Variants in EYS observed in about 807,000 individuals in gnomAD.
EYS encodes the protein EGF-like photoreceptor maintenance factor, also known as protein eyes shut homolog.
A neutral mutation model predicts 282.1 loss-of-function variants in EYS; 250 were observed. The ratio of observed to expected loss-of-function variants is 0.89; its 90% CI spans 0.80 to 0.98. EYS has a LOEUF of 0.98. Ranked by LOEUF, EYS falls within the 50% of genes least tolerant of loss-of-function variation. The pLI is 0.00. For synonymous variants in EYS, 1,355 were observed against 1,282.9 expected (o/e 1.06, Z -1.20); for missense variants, 4,016 against 3,709.0 (o/e 1.08, Z -2.15).
intron 29 of EYS, among the ~76,000 whole-genome samples, chr6:64,323,598 T>G (rs193275156): frequency 2.0e-3 from 299 of 152,270 alleles, no homozygotes; most frequent in Non-Finnish European, 4.6e-4. Context: ...CCGACTATAC[T>G]GAAATATAAC....
intron 12 of EYS, among the ~76,000 whole-genome samples, chr6:65,066,042 C>T (rs1773735568): frequency 2.0e-5 from 3 of 152,118 alleles, no homozygotes; most frequent in African/African-American, 7.2e-5. Flanking sequence ...ATGACAACCA[C>T]AAAAATAAAG....
At chr6:64,540,475 A>ATTTTTT (rs397888030) in intron 26 of EYS, among the ~76,000 whole-genome samples, 10 of 83,508 alleles carry the variant, frequency 1.2e-4, no homozygotes, top group Non-Finnish European at 1.1e-4. Flanking sequence ...CCAAGTACAG[A>ATTTTTT]TTTTTTTTTT....
intron 12 of EYS, among the ~76,000 whole-genome samples, chr6:65,181,317 G>A (rs1044137935): frequency 5.3e-5 from 8 of 152,036 alleles, no homozygotes; most frequent in African/African-American, 1.4e-4. Context: ...ATCTGACAAA[G>A]GGCTAATATC....
intron 11 of EYS, among the ~76,000 whole-genome samples, chr6:65,313,396 T>C (rs1318017517): frequency 6.6e-6 from 1 of 151,926 alleles, no homozygotes; most frequent in East Asian, 1.9e-4. Context: ...AATTATCCCT[T>C]GACTCAAAAC....
chr6:64,821,743 T>C lies in EYS; in HGVS notation c.3165-20A>G. The C allele has an allele frequency of 1.4e-6, 2 of 1,379,630 alleles. No individual in the cohort carries two copies. Among genetic ancestry groups the C allele is most frequent in the South Asian group, 1.3e-5 (1 of 76,422 alleles). 85.5% of individuals were successfully genotyped at this position (1,379,630 alleles called of 1,614,324 possible). A position where few individuals can be genotyped will look rare whatever the true frequency, so the allele number is the denominator to read the frequency against. Reference sequence around the variant, plus strand: ...GTGCACCTGAAACACAGAATTAGAATTACATTTTCAAATAAGTAGATGTTA... The same window carrying C: ...GTGCACCTGAAACACAGAATTAGAACTACATTTTCAAATAAGTAGATGTTA... On this transcript the variant is annotated intron_variant, in intron 20 of 42. Transcript: ENST00000503581.
At chr6:64,803,023 G>A (rs577523590) in intron 22 of EYS, among the ~76,000 whole-genome samples, 2 of 152,314 alleles carry the variant, frequency 1.3e-5, no homozygotes, top group South Asian at 4.1e-4. Context: ...GGTACTGCAC[G>A]TAGCTCCCAC....
Position 64,796,379 on chromosome 6 carries a change from C to G in EYS, c.3443+16999G>C, listed in dbSNP as rs571808000. Among the ~76,000 whole-genome samples, 450 of 152,154 alleles carry G rather than the reference C, an allele frequency of 3.0e-3. 5 individuals are homozygous for G. Among genetic ancestry groups the G allele is most frequent in the African/African-American group, 0.01 (424 of 41,516 alleles). ...CCAGTTGCTTTTCTACTACTACTTC[C>G]AGGAAGAAAAGACCAGCAGTGTGTT... On this transcript the variant is annotated intron_variant, in intron 22 of 42. Coordinates refer to ENST00000503581, the MANE Select transcript of EYS (RefSeq NM_001142800.2).
At chr6:64,946,808 AT>A (rs994910696) in intron 14 of EYS, among the ~76,000 whole-genome samples, 1 of 151,992 alleles carries the variant, frequency 6.6e-6, no homozygotes. Flanking sequence ...TCTCACTAAA[AT>A]TTTTTATTAT....
intron 31 of EYS, among the ~76,000 whole-genome samples, chr6:64,175,516 C>G (rs1475470373): frequency 6.6e-6 from 1 of 152,138 alleles, no homozygotes; most frequent in Non-Finnish European, 1.5e-5. Flanking sequence ...TATTACTTCT[C>G]CAGATAGTCT....
intron 12 of EYS, among the ~76,000 whole-genome samples, chr6:65,180,479 C>T (rs1404223331): frequency 6.6e-6 from 1 of 151,952 alleles, no homozygotes; most frequent in East Asian, 1.9e-4. Flanking sequence ...GAATAAAATA[C>T]CTAGGAATCC....
chr6:65,510,978 C>T (rs1025690944), intron 2 of EYS, among the ~76,000 whole-genome samples: 1 of 152,158 alleles, frequency 6.6e-6, no homozygotes, highest in Non-Finnish European at 1.5e-5. Context: ...ACTTAAAACA[C>T]TTTAAGGCGA....
At chr6:65,338,439 A>C (rs1770073905) in intron 10 of EYS, among the ~76,000 whole-genome samples, 1 of 151,176 alleles carries the variant, frequency 6.6e-6, no homozygotes, top group African/African-American at 2.4e-5. Flanking sequence ...AATCTTTAAA[A>C]ATTTTATACA....
chr6:65,120,786 C>T (rs1398642750), intron 12 of EYS, among the ~76,000 whole-genome samples: 1 of 152,142 alleles, frequency 6.6e-6, no homozygotes, highest in Non-Finnish European at 1.5e-5. Flanking sequence ...CTCCTTTTAT[C>T]AATCCCAATG....
chr6:64,676,671 T>C (rs1055856322), intron 22 of EYS, among the ~76,000 whole-genome samples: 27 of 152,128 alleles, frequency 1.8e-4, no homozygotes, highest in African/African-American at 6.3e-4. Context: ...TTATGAATAA[T>C]AGAAATTCTT....
chr6:64,411,925 G>A (rs72887700), intron 28 of EYS, among the ~76,000 whole-genome samples: 20,009 of 116,106 alleles, frequency 0.17, 2,407 homozygotes, highest in East Asian at 0.33. Context: ...ATGCATGCAT[G>A]TATGTATATA....
intron 22 of EYS, among the ~76,000 whole-genome samples, chr6:64,707,892 A>T (rs183084435): frequency 1.1e-4 from 16 of 152,212 alleles, no homozygotes. Context: ...AAAAACATGA[A>T]GTTGAATCAC....
At chr6:65,451,626 T>C (rs1437526316) in intron 5 of EYS, among the ~76,000 whole-genome samples, 1 of 152,036 alleles carries the variant, frequency 6.6e-6, no homozygotes, top group Admixed American at 6.6e-5. Context: ...GGATTTGTCA[T>C]TAGCTTAAAG....
intron 35 of EYS, among the ~76,000 whole-genome samples, chr6:63,963,785 T>C (rs1348591089): frequency 6.6e-6 from 1 of 152,218 alleles, no homozygotes; most frequent in Non-Finnish European, 1.5e-5. Flanking sequence ...TTAATTTCAT[T>C]TAAATCTCAA....
intron 12 of EYS, among the ~76,000 whole-genome samples, chr6:65,180,946 A>C (rs1437160650): frequency 1.3e-5 from 2 of 152,196 alleles, no homozygotes; most frequent in Non-Finnish European, 2.9e-5. Context: ...GAGAAAAACA[A>C]GCAATGGGGA....
Sources: allele counts gnomAD v4.1 joint callset (sites outside exome capture counted in the v4.1 genomes callset), GRCh38; gene constraint gnomAD v4.1.1; transcripts MANE v1.5; gene names NCBI Gene and HGNC (gene_info 2026-07-23, HGNC 2026-07-21).